Variants in GRIK5 observed in about 807,000 individuals in gnomAD.
The protein encoded by GRIK5 is glutamate ionotropic receptor kainate type subunit 5, also known as glutamate receptor ionotropic, kainate 5.
A neutral mutation model predicts 97.4 loss-of-function variants in GRIK5; 43 were observed. The observed-to-expected ratio is 0.44, with a 90% CI of 0.35 to 0.57. The LOEUF is 0.57. GRIK5 is among the 20% of genes least tolerant of loss of function. The pLI is 0.01. For missense variants in GRIK5, 1,015 were observed against 1,382.0 expected (o/e 0.73, Z 4.21); for synonymous variants, 580 against 583.5 (o/e 0.99, Z 0.09).
intron 12 of GRIK5, among the ~76,000 whole-genome samples, chr19:42,028,613 G>A (rs927384545): frequency 2.0e-5 from 3 of 152,244 alleles, no homozygotes; most frequent in African/African-American, 7.2e-5. Context: ...CCAGCTGTAA[G>A]CACCTCTCCC....
chr19:42,030,584 G>C (rs1036207652), intron 12 of GRIK5, among the ~76,000 whole-genome samples: 3 of 151,950 alleles, frequency 2.0e-5, no homozygotes, highest in Admixed American at 6.6e-5. Context: ...TCAGCCTTCC[G>C]AGTAACTGTG....
At chr19:42,032,121 A>T (rs1257788088) in intron 12 of GRIK5, among the ~76,000 whole-genome samples, 1 of 152,186 alleles carries the variant, frequency 6.6e-6, no homozygotes, top group Non-Finnish European at 1.5e-5. Context: ...CTCAAAAATA[A>T]AAAAAAGATG....
chr19:42,008,917 C>T (rs1175521443), intron 15 of GRIK5, among the ~76,000 whole-genome samples: 1 of 152,090 alleles, frequency 6.6e-6, no homozygotes, highest in Admixed American at 6.6e-5. Context: ...AGATTAGACA[C>T]CGGCAGCAGA....
intron 15 of GRIK5, among the ~76,000 whole-genome samples, chr19:42,008,178 T>G (rs1390375710): frequency 6.6e-6 from 1 of 152,068 alleles, no homozygotes; most frequent in Non-Finnish European, 1.5e-5. Context: ...CCAGCACGCC[T>G]GACTAATGTT....
chr19:42,021,447 T>C lies in GRIK5; in HGVS notation c.1725A>G (p.Pro575=), dbSNP rs112966720. 1.0e-4 allele frequency: 162 copies of C among 1,595,242 alleles called. 5 individuals carry two copies. The African/African-American group carries it at 1.4e-3, about 14-fold the overall frequency. Residue 575 remains proline, a synonymous_variant, in exon 15 of 20, where the codon CCA becomes CCG. Transcript: ENST00000593562. This position sits in a 1 kb window ranked among gnomAD's most constrained non-coding sequence, Gnocchi z 4.2. ...ARLSPYEWYN[P]HPCLRARPHI... is the part of the protein sequence containing the mutation. ...GGGGGCGTGCCCGCAGGCATGGGTG[T>C]GGGTTATACCACTCATAGGGGCTCA...
At chr19:42,018,967 A>G (rs2075664528) in intron 15 of GRIK5, among the ~76,000 whole-genome samples, 1 of 152,180 alleles carries the variant, frequency 6.6e-6, no homozygotes, top group African/African-American at 2.4e-5. Flanking sequence ...CATCTGCTGA[A>G]TGAGTGAATG....
rs191720559 is a variant in GRIK5 at position 42,021,174 on chromosome 19, G to A, written c.1871+127C>T. On this transcript the variant is annotated intron_variant, in intron 15 of 19. Coordinates refer to ENST00000593562, the MANE Select transcript of GRIK5 (RefSeq NM_002088.5). The surrounding 1 kb of genome is among the most constrained non-coding windows in gnomAD (Gnocchi z 4.2). ...CTCAGCTCTCCCCACCCCATTCCTC[G>A]TCACACAGCTCTGCAAGGGAAAACG... is the stretch of plus-strand genomic sequence containing the variant. 7 of 773,730 alleles carry A rather than the reference G, an allele frequency of 9.0e-6. No individual in the cohort carries two copies. Among genetic ancestry groups the A allele is most frequent in the East Asian group, 8.6e-5 (3 of 35,036 alleles). The allele number at this position is 773,730 out of a possible 1,614,324, so 47.9% of individuals were successfully genotyped here. A position where few individuals can be genotyped will look rare whatever the true frequency, so the allele number is the denominator to read the frequency against.
At chr19:42,053,210 C>CTG (rs1469161062) in intron 11 of GRIK5, among the ~76,000 whole-genome samples, 4 of 152,166 alleles carry the variant, frequency 2.6e-5, no homozygotes, top group Non-Finnish European at 5.9e-5. Flanking sequence ...CGGGTGCTTG[C>CTG]TGTGTGACCC....
At chr19:42,026,818 T>C (rs1403883224) in intron 12 of GRIK5, among the ~76,000 whole-genome samples, 1 of 152,064 alleles carries the variant, frequency 6.6e-6, no homozygotes, top group Non-Finnish European at 1.5e-5. Flanking sequence ...TCCACCTGCC[T>C]CAGCCTCCCA....
At chr19:42,051,282 T>G (rs889718872) in intron 11 of GRIK5, among the ~76,000 whole-genome samples, 1 of 151,980 alleles carries the variant, frequency 6.6e-6, no homozygotes, top group African/African-American at 2.4e-5. Flanking sequence ...TCTCTCTATC[T>G]CAGCGCCAGC....
chr19:42,066,468 AG>A, intron 1 of GRIK5, among the ~76,000 whole-genome samples: 1 of 150,236 alleles, frequency 6.7e-6, no homozygotes, highest in African/African-American at 2.5e-5. Context: ...GAGCAGTAAA[AG>A]GGGGAAAAAA....
intron 15 of GRIK5, among the ~76,000 whole-genome samples, chr19:42,008,461 T>C (rs2075520829): frequency 6.6e-6 from 1 of 152,190 alleles, no homozygotes; most frequent in Non-Finnish European, 1.5e-5. Flanking sequence ...ACCCCGTCTC[T>C]ACTAAAAATA....
intron 12 of GRIK5, among the ~76,000 whole-genome samples, chr19:42,024,150 C>G (rs1258202321): frequency 6.6e-6 from 1 of 152,054 alleles, no homozygotes; most frequent in African/African-American, 2.4e-5. Flanking sequence ...CAGCCCTCCC[C>G]AAAGCAGCCT....
chr19:42,033,836 T>C (rs574788580), intron 12 of GRIK5, among the ~76,000 whole-genome samples: 14 of 152,164 alleles, frequency 9.2e-5, no homozygotes, highest in Admixed American at 3.9e-4. Context: ...GCCGTCTCTA[T>C]TAAAAATATA....
At position 41,999,046 on chromosome 19, in the gene GRIK5, G is replaced by A. The variant is rs1555870187; in HGVS notation, c.2768C>T (p.Ala923Val). 2.4e-6 allele frequency: 3 copies of A among 1,236,674 alleles called. No homozygotes were observed. Among genetic ancestry groups the A allele is most frequent in the Non-Finnish European group, 2.0e-6 (2 of 991,920 alleles). 76.6% of individuals were successfully genotyped at this position (1,236,674 alleles called of 1,614,324 possible). The change falls in exon 20 of 20, where the codon GCC (alanine) becomes GTC (valine). Residue 923 changes from alanine to valine, a missense_variant. This residue lies in a region of GRIK5 where 109 missense variants were observed against 100.4 expected (regional missense o/e 1.09). Coordinates refer to ENST00000593562, the MANE Select transcript of GRIK5 (RefSeq NM_002088.5). This position sits in a 1 kb window ranked among gnomAD's most constrained non-coding sequence, Gnocchi z 5.0. ...PGPPSGARPA[A>V]PTPCTHVRVC... is the part of the protein sequence containing the mutation. ...GCGCACGTGGGTGCAGGGGGTGGGG[G>A]CGGCGGGTCGGGCTCCGCTGGGGGG...
chr19:42,059,903 A>G (rs1040240434), intron 5 of GRIK5, among the ~76,000 whole-genome samples: 2 of 151,274 alleles, frequency 1.3e-5, no homozygotes, highest in African/African-American at 4.9e-5. Context: ...TCTCTTTCAC[A>G]CCCAATCCAT....
chr19:42,026,976 T>C (rs75273400), intron 12 of GRIK5, among the ~76,000 whole-genome samples: 1,836 of 152,198 alleles, frequency 0.012, 49 homozygotes, highest in African/African-American at 0.042. Context: ...CTTATGAGAC[T>C]CTGTCTTACA....
In GRIK5 at chr19:42,065,917, G is replaced by A. The variant is rs937829657; in HGVS notation, c.-50-97C>T. 4.6e-6 allele frequency: 3 copies of A among 651,212 alleles called. No homozygotes were observed. The highest frequency in any genetic ancestry group is 2.7e-6 in the Non-Finnish European group (1 of 365,614). The allele number at this position is 651,212 out of a possible 1,614,324, so 40.3% of individuals were successfully genotyped here. A position where few individuals can be genotyped will look rare whatever the true frequency, so the allele number is the denominator to read the frequency against. ...ATGGGGTGGTCACAGAAGCCTTGGG[G>A]ACATTGTTGGCAAGCAGTTCACAGC... On this transcript the variant is annotated intron_variant, in intron 1 of 19. Coordinates refer to ENST00000593562, the MANE Select transcript of GRIK5 (RefSeq NM_002088.5). This position sits in a 1 kb window ranked among gnomAD's most constrained non-coding sequence, Gnocchi z 5.8.
At chr19:42,014,044 A>C (rs2075597148) in intron 15 of GRIK5, among the ~76,000 whole-genome samples, 1 of 151,828 alleles carries the variant, frequency 6.6e-6, no homozygotes, top group Admixed American at 6.6e-5. Flanking sequence ...AAAAAAAAAA[A>C]AATCACCTGT....
Sources: allele counts gnomAD v4.1 joint callset (sites outside exome capture counted in the v4.1 genomes callset), GRCh38; gene constraint gnomAD v4.1.1; regional missense constraint gnomAD v4.1.1; non-coding constraint Gnocchi (gnomAD v3.1); transcripts MANE v1.5; gene names NCBI Gene and HGNC (gene_info 2026-07-23, HGNC 2026-07-21).